The following EGFR variants were observed in gnomAD, a reference collection of about 807,000 sequenced individuals.
EGFR encodes the protein epidermal growth factor receptor.
In EGFR, 58 loss-of-function variants were observed where a neutral mutation model predicts 143.0. The observed-to-expected ratio is 0.41, with a 90% CI of 0.33 to 0.50. The LOEUF (loss-of-function observed/expected upper bound fraction) is 0.50, where lower values mean the gene tolerates loss of function less well. EGFR is among the 20% of genes least tolerant of loss of function. The pLI, the probability that EGFR is intolerant of heterozygous loss-of-function variation, is 0.39. For synonymous variants in EGFR, 613 were observed against 594.4 expected (o/e 1.03, Z -0.45); for missense variants, 1,307 against 1,579.0 (o/e 0.83, Z 2.92).
chr7:55,143,692 C>T (rs752725469), intron 3 of EGFR, among the ~76,000 whole-genome samples: 9 of 151,986 alleles, frequency 5.9e-5, no homozygotes, highest in Middle Eastern at 3.2e-3. Context: ...AAGATTTAAG[C>T]GGGGTACCAG....
chr7:55,127,042 T>G (rs1793566422), intron 1 of EGFR, among the ~76,000 whole-genome samples: 1 of 152,194 alleles, frequency 6.6e-6, no homozygotes, highest in African/African-American at 2.4e-5. Context: ...CAGTGAAAAC[T>G]AATGTACCAT....
At chr7:55,057,858 TAGACTGTG>T (rs1788920432) in intron 1 of EGFR, among the ~76,000 whole-genome samples, 2 of 152,232 alleles carry the variant, frequency 1.3e-5, no homozygotes, top group Non-Finnish European at 2.9e-5. Flanking sequence ...AGGGAAATAC[TAGACTGTG>T]AGATCTGTGA....
chr7:55,170,454 G>T, intron 15 of EGFR: 1 of 1,614,050 alleles, frequency 6.2e-7, no homozygotes, highest in Non-Finnish European at 8.5e-7. Flanking sequence ...CTCTTCTGCC[G>T]TCAGAGTTTC....
intron 1 of EGFR, among the ~76,000 whole-genome samples, chr7:55,087,939 C>T (rs756833242): frequency 6.6e-6 from 1 of 152,164 alleles, no homozygotes; most frequent in Non-Finnish European, 1.5e-5. Context: ...ATTCCTTCAT[C>T]AAAGGCAGCA....
At position 55,173,006 on chromosome 7, in the gene EGFR, C is replaced by A. The variant is rs776728879; in HGVS notation, c.1943C>A (p.Thr648Asn). Reference protein sequence around the residue: ...TNGPKIPSIATGMVGALLLLL... With the variant: ...TNGPKIPSIANGMVGALLLLL... ...AGGCCTAAGATCCCGTCCATCGCCA[C>A]TGGGATGGTGGGGGCCCTCCTCTTG... is the stretch of plus-strand genomic sequence containing the variant. Residue 648 changes from threonine to asparagine, a missense_variant, in exon 17 of 28, where the codon ACT (threonine) becomes AAT (asparagine). Thr to Asn is a moderately conservative substitution (Grantham distance 65). Around this residue, in one of 7 missense-constraint regions of EGFR, gnomAD observed 348 missense variants for 451.5 expected, o/e 0.77. Transcript: ENST00000275493. 3 of 1,614,198 alleles carry A rather than the reference C, an allele frequency of 1.9e-6. No homozygotes were observed. Among genetic ancestry groups the A allele is most frequent in the Non-Finnish European group, 2.5e-6 (3 of 1,180,038 alleles).
chr7:55,037,233 G>A (rs954284193), intron 1 of EGFR, among the ~76,000 whole-genome samples: 1 of 152,148 alleles, frequency 6.6e-6, no homozygotes, highest in Non-Finnish European at 1.5e-5. Context: ...CAACTCAATA[G>A]GCATGTGTCA....
intron 22 of EGFR, among the ~76,000 whole-genome samples, chr7:55,196,732 T>C (rs995346113): frequency 6.6e-6 from 1 of 152,024 alleles, no homozygotes; most frequent in Non-Finnish European, 1.5e-5. Context: ...TCAATCTTCT[T>C]CATGGCTAGC....
intron 1 of EGFR, among the ~76,000 whole-genome samples, chr7:55,072,523 A>C (rs1484484197): frequency 2.0e-5 from 3 of 152,156 alleles, no homozygotes; most frequent in Admixed American, 6.5e-5. Context: ...AGTGTCAATC[A>C]TTGCTCTCAT....
At position 55,019,246 on chromosome 7, in the gene EGFR, G is replaced by T. The variant is rs375923119; in HGVS notation, c.-32G>T. The T allele has an allele frequency of 2.1e-6, 3 of 1,462,478 alleles. No homozygotes were observed. The highest frequency in any genetic ancestry group is 2.7e-6 in the Non-Finnish European group (3 of 1,097,094). 90.6% of individuals were successfully genotyped at this position (1,462,478 alleles called of 1,614,324 possible). A position where few individuals can be genotyped will look rare whatever the true frequency, so the allele number is the denominator to read the frequency against. ...CCTGACTCCGTCCAGTATTGATCGG[G>T]AGAGCCGGAGCGAGCTCTTCGGGGA... On this transcript the variant is annotated 5_prime_UTR_variant, in exon 1 of 28. Coordinates refer to ENST00000275493, the MANE Select transcript of EGFR (RefSeq NM_005228.5).
At chr7:55,111,564 A>C (rs1792490815) in intron 1 of EGFR, among the ~76,000 whole-genome samples, 1 of 152,222 alleles carries the variant, frequency 6.6e-6, no homozygotes, top group Admixed American at 6.5e-5. Flanking sequence ...AAATCATGTT[A>C]CTTTCTAGAT....
In EGFR at chr7:55,146,634, C is replaced by T. The variant is rs1794777440; in HGVS notation, c.453C>T (p.Ser151=). The change falls in exon 4 of 28, where the codon AGC becomes AGT. Residue 151 remains serine (S), a synonymous_variant. Coordinates refer to ENST00000275493, the MANE Select transcript of EGFR (RefSeq NM_005228.5). Reference sequence around the variant, plus strand: ...TCCTGCATGGCGCCGTGCGGTTCAGCAACAACCCTGCCCTGTGCAACGTGG... The same window carrying T: ...TCCTGCATGGCGCCGTGCGGTTCAGTAACAACCCTGCCCTGTGCAACGTGG... The part of the protein sequence containing the change: ...QEILHGAVRF[S]NNPALCNVES... 3 of 1,613,974 alleles carry T rather than the reference C, an allele frequency of 1.9e-6. No homozygotes were observed. Among genetic ancestry groups the T allele is most frequent in the Middle Eastern group, 1.6e-4 (1 of 6,082 alleles).
In EGFR at chr7:55,039,031, A is replaced by C. The variant is rs570737867; in HGVS notation, c.88+19666A>C. ...AATTGCCAGAGGTGGAAGTCTGTGG[A>C]TGAAATTTGTATAACATGGAACGTT... On this transcript the variant is annotated intron_variant, in intron 1 of 27. Coordinates refer to ENST00000275493, the MANE Select transcript of EGFR (RefSeq NM_005228.5). Among the ~76,000 whole-genome samples the C allele has an allele frequency of 7.4e-3, 1,125 of 151,780 alleles. 12 individuals carry two copies. Among genetic ancestry groups the C allele is most frequent in the African/African-American group, 0.026 (1,059 of 41,338 alleles).
At chr7:55,047,427 G>A (rs1788239165) in intron 1 of EGFR, among the ~76,000 whole-genome samples, 1 of 152,240 alleles carries the variant, frequency 6.6e-6, no homozygotes, top group Non-Finnish European at 1.5e-5. Context: ...CATATTGTGT[G>A]TACTTGATCT....
intron 27 of EGFR, among the ~76,000 whole-genome samples, chr7:55,204,454 CACA>C (rs1455443638): frequency 6.6e-6 from 1 of 150,960 alleles, no homozygotes; most frequent in Non-Finnish European, 1.5e-5. Flanking sequence ...CACATATACA[CACA>C]ACACACACAA....
rs759987693 is a variant in EGFR at position 55,163,816 on chromosome 7, C to G, written c.1715C>G (p.Thr572Arg). 18 of 1,614,194 alleles carry G rather than the reference C, an allele frequency of 1.1e-5. No homozygotes were observed. The highest frequency in any genetic ancestry group is 1.5e-5 in the Non-Finnish European group (18 of 1,180,026). ...CLPQAMNITC[T>R]GRGPDNCIQC... is the part of the protein sequence containing the mutation. Reference sequence around the variant, plus strand: ...CCTCAGGCCATGAACATCACCTGCACAGGACGGGTAAGAGCCCCTTGCTGC... The same window carrying G: ...CCTCAGGCCATGAACATCACCTGCAGAGGACGGGTAAGAGCCCCTTGCTGC... Residue 572 changes from threonine to arginine, a missense_variant, in exon 14 of 28, where the codon ACA (threonine) becomes AGA (arginine). Thr to Arg is a moderately conservative substitution (Grantham distance 71, BLOSUM62 -1). Around this residue, in one of 7 missense-constraint regions of EGFR, gnomAD observed 250 missense variants for 295.1 expected, o/e 0.85. Coordinates refer to ENST00000275493, the MANE Select transcript of EGFR (RefSeq NM_005228.5).
In EGFR at chr7:55,165,274, G is replaced by A. The variant is rs2128946033; in HGVS notation, c.1723-6G>A. 6.2e-7 allele frequency: 1 copy of A among 1,614,072 alleles called. No homozygotes were observed. Among genetic ancestry groups the A allele is most frequent in the Non-Finnish European group, 8.5e-7 (1 of 1,180,022 alleles). On this transcript the variant is annotated splice_region_variant and splice_polypyrimidine_tract_variant and intron_variant, in intron 14 of 27. Transcript: ENST00000275493. ...TGCATGAACATTTTTCTCCACCTTG[G>A]TGCAGGGACCAGACAACTGTATCCA...
chr7:55,036,294 G>A (rs1787580865), intron 1 of EGFR, among the ~76,000 whole-genome samples: 1 of 130,456 alleles, frequency 7.7e-6, no homozygotes, highest in Non-Finnish European at 1.6e-5. Flanking sequence ...GTGGGTGTGT[G>A]TGTGTACCAC....
chr7:55,068,038 GTGTA>G (rs1789614143), intron 1 of EGFR, among the ~76,000 whole-genome samples: 1 of 150,336 alleles, frequency 6.7e-6, no homozygotes, highest in Non-Finnish European at 1.5e-5. Flanking sequence ...ATGTGTATAT[GTGTA>G]TGTGTGTACA....
In EGFR at chr7:55,191,882, G is replaced by A. The variant is rs104886014; in HGVS notation, c.2625+8G>A. 1 of 1,613,190 alleles carries A rather than the reference G, an allele frequency of 6.2e-7. No individual in the cohort carries two copies. Among genetic ancestry groups the A allele is most frequent in the Non-Finnish European group, 8.5e-7 (1 of 1,179,990 alleles). ...CATGCAGAAGGAGGCAAAGTAAGGAGGTGGCTTTAGGTCAGCCAGCATTTT... is the reference window on the plus strand; with the variant it reads ...CATGCAGAAGGAGGCAAAGTAAGGAAGTGGCTTTAGGTCAGCCAGCATTTT... On this transcript the variant is annotated splice_region_variant and intron_variant, in intron 21 of 27. Transcript: ENST00000275493.
Sources: allele counts gnomAD v4.1 joint callset (sites outside exome capture counted in the v4.1 genomes callset), GRCh38; gene constraint gnomAD v4.1.1; regional missense constraint gnomAD v4.1.1; transcripts MANE v1.5; gene names NCBI Gene and HGNC (gene_info 2026-07-23, HGNC 2026-07-21).